Variants in SAYSD1 observed in about 807,000 individuals in gnomAD.
SAYSD1 encodes SAYSVFN motif domain containing 1, also known as SAYSvFN domain-containing protein 1.
SAYSD1 carries 15 observed loss-of-function variants against 14.5 expected under a neutral mutation model. The observed-to-expected ratio is 1.03, with a 90% CI of 0.69 to 1.59. SAYSD1 has a LOEUF of 1.59. Among genes scored for constraint, SAYSD1 ranks in the 40% most tolerant of loss-of-function variants. The pLI is 0.00. For synonymous variants in SAYSD1, 105 were observed against 102.6 expected, an observed-to-expected ratio of 1.02 and a Z score of -0.14; for missense variants, 247 against 227.3, an observed-to-expected ratio of 1.09 and a Z score of -0.56.
In SAYSD1 at chr6:39,105,557, C is replaced by T; in HGVS notation, c.427G>A (p.Glu143Lys). ...GCGCTCTTCTCTCCCTCTTTCTTCT[C>T]TTCAGGGCCTCGTGTCCCGACGTAC... ...WMYVGTRGPEEKKEGEKSAYS... is the reference protein window; with the variant it reads ...WMYVGTRGPEKKKEGEKSAYS... The change falls in exon 2 of 2, where the codon GAG becomes AAG. Residue 143 changes from glutamate to lysine, a missense_variant. Glu to Lys is a moderately conservative substitution (Grantham distance 56). Coordinates refer to ENST00000229903, the MANE Select transcript of SAYSD1 (RefSeq NM_018322.3). 1 of 1,614,210 alleles carries T rather than the reference C, an allele frequency of 6.2e-7. No individual in the cohort carries two copies. Among genetic ancestry groups the T allele is most frequent in the Non-Finnish European group, 8.5e-7 (1 of 1,180,046 alleles).
chr6:39,107,168 T>C (rs973765617), intron 1 of SAYSD1, among the ~76,000 whole-genome samples: 1 of 152,224 alleles, frequency 6.6e-6, no homozygotes, highest in Non-Finnish European at 1.5e-5. Flanking sequence ...TGACCCTTCT[T>C]CTCCAGCTTA....
chr6:39,112,243 TGG>T (rs1769642002), intron 1 of SAYSD1: 1 of 152,930 alleles, frequency 6.5e-6, no homozygotes, highest in African/African-American at 2.4e-5. Flanking sequence ...TAAAACTGAA[TGG>T]AAAAACATTA....
At position 39,105,532 on chromosome 6, in the gene SAYSD1, G is replaced by T. The variant is rs371023354; in HGVS notation, c.452C>A (p.Ala151Asp). 2.5e-6 allele frequency: 4 copies of T among 1,614,126 alleles called. No homozygotes were observed. Among genetic ancestry groups the T allele is most frequent in the Non-Finnish European group, 1.7e-6 (2 of 1,180,056 alleles). ...ACAGCCTGGATTGAACACAGAGTAG[G>T]CGCTCTTCTCTCCCTCTTTCTTCTC... The part of the protein sequence containing the change: ...PEEKKEGEKS[A>D]YSVFNPGCEA... Residue 151 changes from alanine (A) to aspartate (D), a missense_variant, in exon 2 of 2, where the codon GCC becomes GAC. Transcript: ENST00000229903.
intron 1 of SAYSD1, among the ~76,000 whole-genome samples, chr6:39,106,739 A>T (rs1769511811): frequency 6.6e-6 from 1 of 152,122 alleles, no homozygotes; most frequent in Non-Finnish European, 1.5e-5. Flanking sequence ...CTGTTCACAA[A>T]CCTTCAAAAA....
chr6:39,109,402 G>C, intron 1 of SAYSD1: 2 of 1,549,702 alleles, frequency 1.3e-6, no homozygotes, highest in Non-Finnish European at 1.7e-6. Context: ...TAGTGGGAAG[G>C]AGGATGTAGA....
At position 39,104,149 on chromosome 6, in the gene SAYSD1, T is replaced by C. The variant is rs1769447937; in HGVS notation, c.*1283A>G. On this transcript the variant is annotated 3_prime_UTR_variant, in exon 2 of 2. Transcript: ENST00000229903. ...ACATGTTCAGTTCAGACAGAACTCA[T>C]GGAAGAAAAGACTTTTCTGTGAGAT... The C allele has an allele frequency of 6.6e-6, 1 of 152,050 alleles. No individual in the cohort carries two copies. Among genetic ancestry groups the C allele is most frequent in the South Asian group, 2.1e-4 (1 of 4,830 alleles). The allele number at this position is 152,050 out of a possible 1,614,324, so 9.4% of individuals were successfully genotyped here. A position where few individuals can be genotyped will look rare whatever the true frequency, so the allele number is the denominator to read the frequency against.
chr6:39,115,145 A>C lies in SAYSD1; in HGVS notation c.-56T>G, dbSNP rs1769724745. On this transcript the variant is annotated 5_prime_UTR_variant, in exon 1 of 2. Coordinates refer to ENST00000229903, the MANE Select transcript of SAYSD1 (RefSeq NM_018322.3). Reference sequence around the variant, plus strand: ...GGGAGCGCGCGCCCGCAGGCCGCACAGCAGTTGCCTCCGCTCGGCCCGCGC... The same window carrying C: ...GGGAGCGCGCGCCCGCAGGCCGCACCGCAGTTGCCTCCGCTCGGCCCGCGC... 2.0e-6 allele frequency: 3 copies of C among 1,498,142 alleles called. No individual in the cohort carries two copies. The allele number at this position is 1,498,142 out of a possible 1,614,324, so 92.8% of individuals were successfully genotyped here.
intron 1 of SAYSD1, among the ~76,000 whole-genome samples, chr6:39,108,855 C>G (rs906783077): frequency 6.6e-6 from 1 of 152,194 alleles, no homozygotes; most frequent in Non-Finnish European, 1.5e-5. Flanking sequence ...ACCCCTAATT[C>G]ACTATCACAG....
intron 1 of SAYSD1, chr6:39,109,380 A>G: frequency 6.4e-7 from 1 of 1,550,746 alleles, no homozygotes; most frequent in Non-Finnish European, 8.7e-7. Flanking sequence ...CTTTTCTCCA[A>G]GCAAAATCTG....
At position 39,108,516 on chromosome 6, in the gene SAYSD1, A is replaced by G. The variant is rs78779857; in HGVS notation, c.208-2740T>C. Among the ~76,000 whole-genome samples the G allele has an allele frequency of 3.3e-5, 5 of 152,148 alleles. No homozygotes were observed. The East Asian group carries it at 9.6e-4, about 29-fold the overall frequency. On this transcript the variant is annotated intron_variant, in intron 1 of 1. Transcript: ENST00000229903. ...CTCATTTGGAACTTGTCGGAGTACC[A>G]GTTCCCTTCTGCTGTAAAACCTGGG...
In SAYSD1 at chr6:39,115,159, C is replaced by G; in HGVS notation, c.-70G>C. ...GCAGGCCGCACAGCAGTTGCCTCCG[C>G]TCGGCCCGCGCCGGCCGCCGTGCGC... On this transcript the variant is annotated 5_prime_UTR_variant, in exon 1 of 2. Transcript: ENST00000229903. 1 of 1,426,478 alleles carries G rather than the reference C, an allele frequency of 7.0e-7. No individual in the cohort carries two copies. Among genetic ancestry groups the G allele is most frequent in the African/African-American group, 1.4e-5 (1 of 69,404 alleles). 88.4% of individuals were successfully genotyped at this position (1,426,478 alleles called of 1,614,324 possible). A position where few individuals can be genotyped will look rare whatever the true frequency, so the allele number is the denominator to read the frequency against.
chr6:39,108,670 T>C (rs1027753331), intron 1 of SAYSD1, among the ~76,000 whole-genome samples: 16 of 152,048 alleles, frequency 1.1e-4, no homozygotes, highest in Non-Finnish European at 1.8e-4. Context: ...AGAGGAATGC[T>C]CCCTTCCCCT....
In SAYSD1 at chr6:39,106,006, C is replaced by T. The variant is rs112095829; in HGVS notation, c.208-230G>A. Among the ~76,000 whole-genome samples the T allele has an allele frequency of 1.1e-4, 16 of 152,310 alleles. 1 individual carries two copies. The highest frequency in any genetic ancestry group is 4.1e-4 in the South Asian group (2 of 4,824). ...GAGATGTGACCTAATAAAAGCCCTA[C>T]GTATTCAGACAGATTCTTATTCGTG... On this transcript the variant is annotated intron_variant, in intron 1 of 1. Coordinates refer to ENST00000229903, the MANE Select transcript of SAYSD1 (RefSeq NM_018322.3).
At chr6:39,109,042 A>G (rs957164964) in intron 1 of SAYSD1, among the ~76,000 whole-genome samples, 1 of 152,156 alleles carries the variant, frequency 6.6e-6, no homozygotes, top group East Asian at 1.9e-4. Context: ...ACATGACAAG[A>G]TTTTTGTTGA....
chr6:39,107,441 T>C (rs1266241629), intron 1 of SAYSD1, among the ~76,000 whole-genome samples: 3 of 134,848 alleles, frequency 2.2e-5, no homozygotes, highest in Admixed American at 7.0e-5. Flanking sequence ...TGCCAGATTG[T>C]TTAAGTACCA....
At position 39,104,928 on chromosome 6, in the gene SAYSD1, A is replaced by T. The variant is rs1442127534; in HGVS notation, c.*504T>A. On this transcript the variant is annotated 3_prime_UTR_variant, in exon 2 of 2. Coordinates refer to ENST00000229903, the MANE Select transcript of SAYSD1 (RefSeq NM_018322.3). ...AGATATTTTATTTTTCAATACCAGT[A>T]ATGACTGAAAATTAAAGAATTAAAG... 6.5e-6 allele frequency: 1 copy of T among 153,802 alleles called. No homozygotes were observed. Among genetic ancestry groups the T allele is most frequent in the Non-Finnish European group, 1.4e-5 (1 of 69,306 alleles). 9.5% of individuals were successfully genotyped at this position (153,802 alleles called of 1,614,324 possible).
Position 39,109,504 on chromosome 6 carries a change from G to C in SAYSD1, c.208-3728C>G, listed in dbSNP as rs541416194. On this transcript the variant is annotated intron_variant, in intron 1 of 1. Transcript: ENST00000229903. ...GGGCAGAGGCATCATTGCAGTCAGA[G>C]CTTGGCCCAAATGGAGGCCGCAGTG... 4.9e-5 allele frequency: 72 copies of C among 1,473,982 alleles called. No homozygotes were observed. In the African/African-American group the frequency reaches 9.7e-4, roughly 20 times the overall value. The allele number at this position is 1,473,982 out of a possible 1,614,324, so 91.3% of individuals were successfully genotyped here. A position where few individuals can be genotyped will look rare whatever the true frequency, so the allele number is the denominator to read the frequency against.
chr6:39,110,345 G>T (rs6933717), intron 1 of SAYSD1: 5,673 of 207,296 alleles, frequency 0.027, 94 homozygotes, highest in African/African-American at 0.05. Context: ...TTTACATTTG[G>T]CCTGTGCCAA....
chr6:39,106,635 C>G (rs910432582), intron 1 of SAYSD1, among the ~76,000 whole-genome samples: 5 of 152,248 alleles, frequency 3.3e-5, no homozygotes, highest in African/African-American at 1.2e-4. Context: ...CAGCCAATGT[C>G]TCCTAACTAG....
Sources: gnomAD v4.1 joint callset for allele counts (sites outside exome capture counted in the v4.1 genomes callset) on GRCh38, gnomAD v4.1.1 for gene constraint, MANE v1.5 for transcripts, NCBI Gene and HGNC (gene_info 2026-07-23, HGNC 2026-07-21) for gene names.